The following FHOD3 variants were observed in gnomAD, a reference collection of about 807,000 sequenced individuals.
FHOD3 encodes the protein FH1/FH2 domain-containing protein 3.
In FHOD3, 90 loss-of-function variants were observed where a neutral mutation model predicts 173.0. That is an observed-to-expected ratio of 0.52 (90% CI 0.44 to 0.62). The LOEUF (loss-of-function observed/expected upper bound fraction) is 0.62, where lower values mean the gene tolerates loss of function less well. Among genes scored for constraint, FHOD3 ranks in the 20% least tolerant of loss-of-function variants. The probability of loss-of-function intolerance (pLI) is 0.00; values close to 1 mark genes in which losing one functional copy is unlikely to be tolerated. For synonymous variants in FHOD3, 828 were observed against 823.0 expected, an observed-to-expected ratio of 1.01 and a Z score of -0.10; for missense variants, 1,945 against 2,034.7, an observed-to-expected ratio of 0.96 and a Z score of 0.85.
chr18:36,772,585 G>A (rs1164156042), intron 28 of FHOD3, among the ~76,000 whole-genome samples: 1 of 152,228 alleles, frequency 6.6e-6, no homozygotes, highest in Non-Finnish European at 1.5e-5. Flanking sequence ...GAGGATCAGA[G>A]ATAATTAAAT....
intron 3 of FHOD3, among the ~76,000 whole-genome samples, chr18:36,402,598 C>T (rs2146701253): frequency 6.6e-6 from 1 of 151,170 alleles, no homozygotes; most frequent in East Asian, 2.0e-4. Context: ...ACACAGCTAG[C>T]AACTGTCGGG....
chr18:36,731,767 C>T (rs2041373312), intron 20 of FHOD3, among the ~76,000 whole-genome samples: 1 of 152,240 alleles, frequency 6.6e-6, no homozygotes, highest in African/African-American at 2.4e-5. Context: ...CAGAATCACC[C>T]ATGGCCCTGG....
At chr18:36,385,364 T>G (rs11081945) in intron 3 of FHOD3, among the ~76,000 whole-genome samples, 69,571 of 151,532 alleles carry the variant, frequency 0.46, 16,488 homozygotes, top group East Asian at 0.75. Context: ...CTGGCATTGG[T>G]GTTGTTTTTA....
At chr18:36,332,632 C>G (rs946085852) in intron 1 of FHOD3, among the ~76,000 whole-genome samples, 1 of 152,244 alleles carries the variant, frequency 6.6e-6, no homozygotes, top group South Asian at 2.1e-4. Context: ...TCCTAGACAA[C>G]TGGTCCCATC....
In FHOD3 at chr18:36,769,317, T is replaced by A; in HGVS notation, c.4677T>A (p.Asp1559Glu). ...CTGATGACTCGCCCAATGTCACAGA[T>A]GATGCAGCTGATGAGATCATGGACC... ...MGTDDSPNVT[D>E]DAADEIMDRI... The change falls in exon 28 of 29, where the codon GAT becomes GAA. Residue 1559 changes from aspartate (D) to glutamate (E), a missense_variant. Transcript: ENST00000590592. 2 of 1,614,228 alleles carry A rather than the reference T, an allele frequency of 1.2e-6. No homozygotes were observed. Among genetic ancestry groups the A allele is most frequent in the Non-Finnish European group, 1.7e-6 (2 of 1,180,040 alleles).
intron 6 of FHOD3, among the ~76,000 whole-genome samples, chr18:36,593,994 T>C (rs1447774800): frequency 1.3e-5 from 2 of 151,992 alleles, no homozygotes; most frequent in Non-Finnish European, 2.9e-5. Flanking sequence ...AAGGGCAAAA[T>C]TGTGGGCAAG....
chr18:36,752,047 G>GTCC (rs2042424211), intron 24 of FHOD3, among the ~76,000 whole-genome samples: 1 of 152,124 alleles, frequency 6.6e-6, no homozygotes, highest in Non-Finnish European at 1.5e-5. Flanking sequence ...AACCAAACAC[G>GTCC]TCCTTCTTCA....
intron 3 of FHOD3, among the ~76,000 whole-genome samples, chr18:36,444,032 A>G (rs111295642): frequency 0.019 from 2,861 of 152,172 alleles, 79 homozygotes; most frequent in African/African-American, 0.065. Context: ...TCTCTACTAA[A>G]AATACAAAAA....
chr18:36,648,986 G>A (rs368013863), intron 10 of FHOD3, among the ~76,000 whole-genome samples: 2 of 152,298 alleles, frequency 1.3e-5, no homozygotes, highest in East Asian at 3.9e-4. Flanking sequence ...GAGGAGGTCT[G>A]CCCATGGCCA....
intron 3 of FHOD3, among the ~76,000 whole-genome samples, chr18:36,443,015 T>C (rs1206912187): frequency 6.6e-6 from 1 of 152,220 alleles, no homozygotes; most frequent in African/African-American, 2.4e-5. Context: ...TTTCAAGTTA[T>C]ACATTTTTGA....
chr18:36,708,557 A>G (rs1237225737), intron 17 of FHOD3, among the ~76,000 whole-genome samples: 3 of 152,228 alleles, frequency 2.0e-5, no homozygotes, highest in Admixed American at 1.3e-4. Flanking sequence ...GTCCACTGCC[A>G]CAAGGCTGGA....
At chr18:36,682,101 G>T (rs903519806) in intron 15 of FHOD3, among the ~76,000 whole-genome samples, 1 of 152,104 alleles carries the variant, frequency 6.6e-6, no homozygotes, top group Non-Finnish European at 1.5e-5. Flanking sequence ...CAGCTTCAAG[G>T]ATGTGTTCCT....
chr18:36,555,509 C>A (rs2057842400), intron 5 of FHOD3, among the ~76,000 whole-genome samples: 1 of 151,646 alleles, frequency 6.6e-6, no homozygotes, highest in Non-Finnish European at 1.5e-5. Context: ...TTCTGTTGTT[C>A]TTGTGTGGAA....
At chr18:36,728,593 T>G (rs1481098545) in intron 19 of FHOD3, among the ~76,000 whole-genome samples, 5 of 126,324 alleles carry the variant, frequency 4.0e-5, no homozygotes, top group Admixed American at 7.7e-5. Context: ...TGTTGTTGGG[T>G]TTTTTTTTTT....
chr18:36,547,229 G>T (rs11659739), intron 5 of FHOD3, among the ~76,000 whole-genome samples: 59,169 of 152,018 alleles, frequency 0.39, 11,636 homozygotes, highest in East Asian at 0.46. Flanking sequence ...GTTCCTAGGT[G>T]CGCATTCCCA....
At chr18:36,371,405 A>G (rs2047180502) in intron 2 of FHOD3, among the ~76,000 whole-genome samples, 1 of 152,206 alleles carries the variant, frequency 6.6e-6, no homozygotes, top group African/African-American at 2.4e-5. Flanking sequence ...GAGCAAAGGC[A>G]CATCTTACAT....
chr18:36,651,694 G>A (rs757231818), intron 11 of FHOD3, among the ~76,000 whole-genome samples: 9 of 151,868 alleles, frequency 5.9e-5, no homozygotes, highest in Non-Finnish European at 1.0e-4. Context: ...AAAGGTTGCC[G>A]TGAGCCAAGA....
At chr18:36,501,634 T>C (rs2055036478) in intron 3 of FHOD3, among the ~76,000 whole-genome samples, 1 of 152,164 alleles carries the variant, frequency 6.6e-6, no homozygotes, top group African/African-American at 2.4e-5. Context: ...GTGAAAAATC[T>C]AGGTGATAGT....
chr18:36,682,667 C>T (rs1435118845), intron 15 of FHOD3, among the ~76,000 whole-genome samples: 1 of 152,202 alleles, frequency 6.6e-6, no homozygotes, highest in Admixed American at 6.5e-5. Context: ...CCAGCAACCT[C>T]TGCCTCCTGG....
Sources: gnomAD v4.1 joint callset for allele counts (sites outside exome capture counted in the v4.1 genomes callset) on GRCh38, gnomAD v4.1.1 for gene constraint, MANE v1.5 for transcripts, NCBI Gene and HGNC (gene_info 2026-07-23, HGNC 2026-07-21) for gene names.